Variants in FAM83B observed in about 807,000 individuals in gnomAD.
FAM83B encodes scaffolding CK1 anchoring protein B.
In FAM83B, 26 loss-of-function variants were observed where a neutral mutation model predicts 38.8. The ratio of observed to expected loss-of-function variants is 0.67; its 90% confidence interval spans 0.49 to 0.93. The LOEUF (loss-of-function observed/expected upper bound fraction) is 0.93. Among genes scored for constraint, FAM83B ranks in the 40% least tolerant of loss-of-function variants. FAM83B has a pLI of 0.00. For missense variants in FAM83B, 1,237 were observed against 1,197.3 expected, an observed-to-expected ratio of 1.03 and a Z score of -0.49; for synonymous variants, 419 against 423.1, an observed-to-expected ratio of 0.99 and a Z score of 0.12.
At position 54,870,338 on chromosome 6, in the gene FAM83B, C is replaced by T. The variant is rs368238775; in HGVS notation, c.92C>T (p.Ala31Val). Residue 31 changes from alanine to valine, a missense_variant, in exon 2 of 5, where the codon GCC becomes GTC. By Grantham distance (64) the Ala-to-Val change is moderately conservative (BLOSUM62 0). Transcript: ENST00000306858. ...EPHYKEWYRV[A>V]IDILIEHGLE... ...CACTACAAGGAATGGTATCGAGTAGCCATTGATATTCTGATTGAACACGGG... is the reference window on the plus strand; with the variant it reads ...CACTACAAGGAATGGTATCGAGTAGTCATTGATATTCTGATTGAACACGGG... 3 of 1,613,666 alleles carry T rather than the reference C, an allele frequency of 1.9e-6. No homozygotes were observed. In the African/African-American group the frequency reaches 4.0e-5, roughly 22 times the overall value.
At chr6:54,854,559 A>G (rs113169339) in intron 1 of FAM83B, among the ~76,000 whole-genome samples, 1 of 152,204 alleles carries the variant, frequency 6.6e-6, no homozygotes, top group African/African-American at 2.4e-5. Flanking sequence ...GCATTTCTTT[A>G]GGGATAACTT....
chr6:54,940,436 A>G lies in FAM83B; in HGVS notation c.1465A>G (p.Lys489Glu), dbSNP rs1561932697. 4 of 1,613,968 alleles carry G rather than the reference A, an allele frequency of 2.5e-6. No homozygotes were observed. The highest frequency in any genetic ancestry group is 1.3e-5 in the African/African-American group (1 of 74,912). ...QRMPTLEHTTKSFLRNWRIES... is the reference protein window; with the variant it reads ...QRMPTLEHTTESFLRNWRIES... ...AATGCCAACCCTTGAACATACCACAAAGTCATTCCTACGTAACTGGAGAAT... is the reference window on the plus strand; with the variant it reads ...AATGCCAACCCTTGAACATACCACAGAGTCATTCCTACGTAACTGGAGAAT... Residue 489 changes from lysine (K) to glutamate (E), a missense_variant, in exon 5 of 5, where the codon AAG becomes GAG. Physicochemically the swap from Lys to Glu is moderately conservative, Grantham distance 56. Coordinates refer to ENST00000306858, the MANE Select transcript of FAM83B (RefSeq NM_001010872.3).
intron 4 of FAM83B, among the ~76,000 whole-genome samples, chr6:54,935,833 C>G (rs1397294642): frequency 6.6e-6 from 1 of 152,020 alleles, no homozygotes; most frequent in African/African-American, 2.4e-5. Flanking sequence ...CCTTTTGGTT[C>G]TGAAAAAGAG....
intron 2 of FAM83B, 35 bp from the exon 3 acceptor site, chr6:54,926,336 G>T: frequency 1.4e-6 from 2 of 1,385,388 alleles, no homozygotes; most frequent in East Asian, 2.3e-5. Context: ...CTCTATCAAG[G>T]ATCTAAAATT....
intron 2 of FAM83B, among the ~76,000 whole-genome samples, chr6:54,914,481 T>C (rs1481028355): frequency 6.6e-6 from 1 of 152,130 alleles, no homozygotes; most frequent in East Asian, 1.9e-4. Flanking sequence ...TATCCATCCA[T>C]CAGTCTCTTT....
rs376731519 is a variant in FAM83B, at chr6:54,940,679, G to T, written c.1708G>T (p.Gly570Cys). 12 of 1,613,968 alleles carry T rather than the reference G, an allele frequency of 7.4e-6. No individual in the cohort carries two copies. Among genetic ancestry groups the T allele is most frequent in the Non-Finnish European group, 1.0e-5 (12 of 1,180,008 alleles). The change falls in exon 5 of 5, where the codon GGT becomes TGT. Residue 570 changes from glycine (G) to cysteine (C), a missense_variant. By Grantham distance (159) the Gly-to-Cys change is radical. Coordinates refer to ENST00000306858, the MANE Select transcript of FAM83B (RefSeq NM_001010872.3). ...TTGSSNSTII[G>C]SQGSETPKEV... is the part of the protein sequence containing the mutation. ...TGGCTCCTCAAATTCAACTATCATT[G>T]GTTCTCAGGGAAGTGAGACACCTAA...
chr6:54,860,539 T>C (rs1771560166), intron 1 of FAM83B, among the ~76,000 whole-genome samples: 1 of 152,198 alleles, frequency 6.6e-6, no homozygotes, highest in Non-Finnish European at 1.5e-5. Flanking sequence ...CTAAGACTAT[T>C]AAGCTATAGT....
intron 1 of FAM83B, among the ~76,000 whole-genome samples, chr6:54,856,219 A>T (rs1341872655): frequency 6.6e-6 from 1 of 152,226 alleles, no homozygotes; most frequent in Non-Finnish European, 1.5e-5. Flanking sequence ...ACACACCCAT[A>T]TGTAAATTGT....
At chr6:54,913,400 T>G (rs2127585151) in intron 2 of FAM83B, among the ~76,000 whole-genome samples, 1 of 152,218 alleles carries the variant, frequency 6.6e-6, no homozygotes, top group African/African-American at 2.4e-5. Context: ...AATCTCAATT[T>G]TCGCAATAAT....
chr6:54,878,767 T>C (rs1772057045), intron 2 of FAM83B, among the ~76,000 whole-genome samples: 1 of 152,068 alleles, frequency 6.6e-6, no homozygotes, highest in Non-Finnish European at 1.5e-5. Flanking sequence ...AAGAGAGACA[T>C]CAATTTTAAA....
rs13208146 is a variant in FAM83B, at chr6:54,940,081, C to T, written c.1110C>T (p.Asn370=). Residue 370 remains asparagine, a synonymous_variant, in exon 5 of 5, where the codon AAC becomes AAT. Coordinates refer to ENST00000306858, the MANE Select transcript of FAM83B (RefSeq NM_001010872.3). The part of the protein sequence containing the change: ...PHFVPNFNGP[N]AIRQFQPNQI... ...TTGTTCCTAACTTTAATGGTCCAAA[C>T]GCAATACGTCAGTTTCAACCCAATC... The T allele has an allele frequency of 9.5e-3, 15,351 of 1,613,896 alleles. 120 individuals are homozygous for T. The highest frequency in any genetic ancestry group is 0.025 in the South Asian group (2,311 of 91,056).
intron 1 of FAM83B, among the ~76,000 whole-genome samples, chr6:54,862,876 C>T (rs561830441): frequency 6.6e-6 from 1 of 151,620 alleles, no homozygotes; most frequent in East Asian, 1.9e-4. Flanking sequence ...AAAACCCCCC[C>T]CCAAAAAAAC....
At chr6:54,926,795 C>T (rs1042638961) in intron 3 of FAM83B, among the ~76,000 whole-genome samples, 4 of 152,088 alleles carry the variant, frequency 2.6e-5, no homozygotes, top group Non-Finnish European at 4.4e-5. Context: ...TGCACTGGTG[C>T]ATTCTCAGCT....
At chr6:54,878,819 A>C (rs1772058768) in intron 2 of FAM83B, among the ~76,000 whole-genome samples, 1 of 148,296 alleles carries the variant, frequency 6.7e-6, no homozygotes, top group Non-Finnish European at 1.5e-5. Flanking sequence ...GTAATATTGA[A>C]AATTGACTGT....
At chr6:54,927,450 T>C in intron 3 of FAM83B, 58 bp from the exon 4 acceptor site, 1 of 1,410,482 alleles carries the variant, frequency 7.1e-7, no homozygotes, top group Non-Finnish European at 9.4e-7. Context: ...GGATTTTGGT[T>C]TTCAAAATAT....
intron 2 of FAM83B, among the ~76,000 whole-genome samples, chr6:54,917,653 A>G (rs912387739): frequency 1.3e-5 from 2 of 152,156 alleles, no homozygotes; most frequent in Non-Finnish European, 2.9e-5. Flanking sequence ...AACAGTTATT[A>G]TAATAGTCAT....
chr6:54,891,417 T>C (rs1215775583), intron 2 of FAM83B, among the ~76,000 whole-genome samples: 1 of 152,200 alleles, frequency 6.6e-6, no homozygotes, highest in African/African-American at 2.4e-5. Context: ...TGATTTTCTT[T>C]GCTCTTTCCA....
intron 2 of FAM83B, among the ~76,000 whole-genome samples, chr6:54,879,519 T>A (rs1483213414): frequency 6.6e-6 from 1 of 152,168 alleles, no homozygotes. Context: ...TCCCTTTTTT[T>A]AACAGGCCAT....
chr6:54,928,045 CT>C (rs1238100950), intron 4 of FAM83B, among the ~76,000 whole-genome samples: 2 of 152,128 alleles, frequency 1.3e-5, no homozygotes, highest in Non-Finnish European at 2.9e-5. Flanking sequence ...ATTTTGTATT[CT>C]TAAGAATCTG....
Sources: allele counts gnomAD v4.1 joint callset (sites outside exome capture counted in the v4.1 genomes callset), GRCh38; gene constraint gnomAD v4.1.1; transcripts MANE v1.5; gene names NCBI Gene and HGNC (gene_info 2026-07-23, HGNC 2026-07-21).